Variants in BTBD9 observed in about 807,000 individuals in gnomAD.
BTBD9 encodes the protein BTB domain containing 9.
A neutral mutation model predicts 64.3 loss-of-function variants in BTBD9; 49 were observed. The ratio of observed to expected loss-of-function variants is 0.76; its 90% CI spans 0.61 to 0.97. The LOEUF (loss-of-function observed/expected upper bound fraction) is 0.97. BTBD9 is among the 50% of genes least tolerant of loss of function. BTBD9 has a pLI of 0.00. For synonymous variants in BTBD9, 260 were observed against 274.7 expected, an observed-to-expected ratio of 0.95 and a Z score of 0.53; for missense variants, 598 against 762.1, an observed-to-expected ratio of 0.78 and a Z score of 2.53.
chr6:38,202,085 G>GTTTTTT (rs147043026), intron 9 of BTBD9, among the ~76,000 whole-genome samples: 1 of 120,618 alleles, frequency 8.3e-6, no homozygotes, highest in Non-Finnish European at 1.7e-5. Flanking sequence ...CGTTTTTTTT[G>GTTTTTT]TTTTTTTTTT....
chr6:38,380,548 G>C (rs928239689), intron 6 of BTBD9, among the ~76,000 whole-genome samples: 1 of 152,216 alleles, frequency 6.6e-6, no homozygotes, highest in African/African-American at 2.4e-5. Flanking sequence ...GAAGAGGGTA[G>C]GCTGGGTGAG....
At chr6:38,198,199 G>A (rs1762331273) in intron 9 of BTBD9, among the ~76,000 whole-genome samples, 1 of 151,792 alleles carries the variant, frequency 6.6e-6, no homozygotes, top group Non-Finnish European at 1.5e-5. Flanking sequence ...CAATGTCTGT[G>A]TTCAGGTGGG....
At chr6:38,401,893 T>C (rs1766941250) in intron 6 of BTBD9, among the ~76,000 whole-genome samples, 1 of 152,184 alleles carries the variant, frequency 6.6e-6, no homozygotes, top group Non-Finnish European at 1.5e-5. Context: ...GTTCAACAAA[T>C]GTTAACTATA....
intron 9 of BTBD9, among the ~76,000 whole-genome samples, chr6:38,240,094 C>T (rs374032272): frequency 7.9e-5 from 12 of 152,348 alleles, no homozygotes; most frequent in African/African-American, 2.9e-4. Flanking sequence ...GCTCAAGGCA[C>T]ACCTGAACTT....
chr6:38,410,485 C>CA lies in BTBD9; in HGVS notation c.1155-65393dup, dbSNP rs200359411. Reference sequence around the variant, plus strand: ...GAGACCTTATCTCAAAACAAACAAACAAAAAAAAGAATAAAAAATAATGTT... The same window carrying CA: ...GAGACCTTATCTCAAAACAAACAAACAAAAAAAAAGAATAAAAAATAATGTT... On this transcript the variant is annotated intron_variant, in intron 6 of 10. Coordinates refer to ENST00000481247, the MANE Select transcript of BTBD9 (RefSeq NM_001099272.2). 6.6e-3 allele frequency among the ~76,000 whole-genome samples: 991 copies of CA among 151,084 alleles called. 12 individuals are homozygous for CA. The highest frequency in any genetic ancestry group is 0.02 in the African/African-American group (827 of 41,180).
chr6:38,225,588 A>C (rs1277908871), intron 9 of BTBD9, among the ~76,000 whole-genome samples: 1 of 152,254 alleles, frequency 6.6e-6, no homozygotes, highest in African/African-American at 2.4e-5. Context: ...CATGGTCTCC[A>C]CTTTTAAGGA....
At chr6:38,564,301 T>C (rs1421770961) in intron 6 of BTBD9, among the ~76,000 whole-genome samples, 1 of 152,228 alleles carries the variant, frequency 6.6e-6, no homozygotes, top group Non-Finnish European at 1.5e-5. Context: ...GTGGGGGATG[T>C]GTGTTCAAAA....
At chr6:38,396,926 A>C (rs949285003) in intron 6 of BTBD9, among the ~76,000 whole-genome samples, 37 of 124,924 alleles carry the variant, frequency 3.0e-4, no homozygotes, top group African/African-American at 1.1e-3. Flanking sequence ...TTTTGAGACA[A>C]GGTCTCACTC....
intron 9 of BTBD9, among the ~76,000 whole-genome samples, chr6:38,221,402 C>A (rs543715856): frequency 3.9e-5 from 6 of 152,222 alleles, no homozygotes; most frequent in South Asian, 2.1e-4. Flanking sequence ...AAGCCTCCCC[C>A]CAGGGAGCCA....
At chr6:38,223,688 C>T (rs1055141696) in intron 9 of BTBD9, among the ~76,000 whole-genome samples, 2 of 152,110 alleles carry the variant, frequency 1.3e-5, no homozygotes, top group African/African-American at 4.8e-5. Flanking sequence ...ATTCTGCACC[C>T]ATTCACGGCT....
intron 1 of BTBD9, among the ~76,000 whole-genome samples, chr6:38,603,181 T>C (rs1777316728): frequency 6.6e-6 from 1 of 152,180 alleles, no homozygotes; most frequent in African/African-American, 2.4e-5. Flanking sequence ...TGGACAGGAA[T>C]ATCTCAACTA....
chr6:38,500,544 C>T (rs1582534152), intron 6 of BTBD9, among the ~76,000 whole-genome samples: 1 of 152,324 alleles, frequency 6.6e-6, no homozygotes, highest in East Asian at 1.9e-4. Context: ...CTATTACACA[C>T]TTCCACTTTT....
intron 6 of BTBD9, among the ~76,000 whole-genome samples, chr6:38,387,902 C>T (rs777961946): frequency 5.9e-5 from 9 of 152,040 alleles, no homozygotes; most frequent in Non-Finnish European, 8.8e-5. Flanking sequence ...AATAACGGCC[C>T]GCTTCATTAG....
At chr6:38,505,902 T>C (rs1772471158) in intron 6 of BTBD9, among the ~76,000 whole-genome samples, 1 of 138,858 alleles carries the variant, frequency 7.2e-6, no homozygotes, top group African/African-American at 2.6e-5. Context: ...GAGGCAGAGG[T>C]TGCAGTGAGC....
At chr6:38,453,380 T>A (rs1440825031) in intron 6 of BTBD9, among the ~76,000 whole-genome samples, 1 of 152,198 alleles carries the variant, frequency 6.6e-6, no homozygotes, top group Non-Finnish European at 1.5e-5. Flanking sequence ...ACCTCCACAT[T>A]TGCATGAATT....
rs1303061392 is a variant in BTBD9 at position 38,556,535 on chromosome 6, G to C, written c.1154+21065C>G. 1.1e-4 allele frequency among the ~76,000 whole-genome samples: 6 copies of C among 52,688 alleles called. No homozygotes were observed. In the South Asian group the frequency reaches 3.8e-3, roughly 34 times the overall value. The allele number at this position is 52,688 out of a possible 152,430, so 34.6% of individuals were successfully genotyped here. A position where few individuals can be genotyped will look rare whatever the true frequency, so the allele number is the denominator to read the frequency against. On this transcript the variant is annotated intron_variant, in intron 6 of 10. Transcript: ENST00000481247. The stretch of plus-strand genomic sequence containing the variant: ...TGTGTGTGTGTGTGTGTGTGTGTGT[G>C]TGTGTGTGTGTGTGTGAGAGAGAGA...
In BTBD9 at chr6:38,591,359, A is replaced by G. The variant is rs114190667; in HGVS notation, c.814+1217T>C. ...CTTATACTATTCAAATCAAATGTCA[A>G]GGCTCAACTCAAGCTTCATAACCTC... On this transcript the variant is annotated intron_variant, in intron 4 of 10. Transcript: ENST00000481247. Among the ~76,000 whole-genome samples the G allele has an allele frequency of 8.7e-3, 1,320 of 152,324 alleles. 12 individuals are homozygous for G. Among genetic ancestry groups the G allele is most frequent in the African/African-American group, 0.03 (1,246 of 41,566 alleles).
Position 38,402,866 on chromosome 6 carries a change from G to A in BTBD9, c.1155-57773C>T, listed in dbSNP as rs148322466. 9.3e-5 allele frequency: 65 copies of A among 700,804 alleles called. No individual in the cohort carries two copies. In the Middle Eastern group the frequency reaches 1.0e-3, roughly 11 times the overall value. 43.4% of individuals were successfully genotyped at this position (700,804 alleles called of 1,614,324 possible). A position where few individuals can be genotyped will look rare whatever the true frequency, so the allele number is the denominator to read the frequency against. On this transcript the variant is annotated intron_variant, in intron 6 of 10. Transcript: ENST00000481247. ...GAGGATTGCTTGAGCTCAGGAGTTC[G>A]AGACCAGAGTGGGCACCATAGTGAG... is the stretch of plus-strand genomic sequence containing the variant.
chr6:38,373,290 G>C (rs1361641133), intron 6 of BTBD9, among the ~76,000 whole-genome samples: 1 of 152,164 alleles, frequency 6.6e-6, no homozygotes, highest in Non-Finnish European at 1.5e-5. Context: ...ATTCATGCCA[G>C]TCTGCTGCTT....
Sources: gnomAD v4.1 joint callset for allele counts (sites outside exome capture counted in the v4.1 genomes callset) on GRCh38, gnomAD v4.1.1 for gene constraint, MANE v1.5 for transcripts, NCBI Gene and HGNC (gene_info 2026-07-23, HGNC 2026-07-21) for gene names.